The following SIMC1 variants were observed in gnomAD, a reference collection of about 807,000 sequenced individuals.
SIMC1 encodes SUMO-interacting motif-containing protein 1.
SIMC1 carries 55 observed loss-of-function variants against 82.3 expected under a neutral mutation model. That is an observed-to-expected ratio of 0.67 (90% CI 0.54 to 0.84). SIMC1 has a LOEUF of 0.84. Among genes scored for constraint, SIMC1 ranks in the 40% least tolerant of loss-of-function variants. The pLI, the probability that SIMC1 is intolerant of heterozygous loss-of-function variation, is 0.00. For synonymous variants in SIMC1, 353 were observed against 426.3 expected, an observed-to-expected ratio of 0.83 and a Z score of 2.12; for missense variants, 915 against 1,107.2, an observed-to-expected ratio of 0.83 and a Z score of 2.46.
chr5:176,306,834 G>C (rs1450449910), intron 4 of SIMC1, among the ~76,000 whole-genome samples: 77 of 150,060 alleles, frequency 5.1e-4, no homozygotes, highest in African/African-American at 1.8e-3. Context: ...TTGTTTATCT[G>C]CTGACCTTCC....
At chr5:176,305,651 T>C (rs1764310589) in intron 4 of SIMC1, among the ~76,000 whole-genome samples, 1 of 115,630 alleles carries the variant, frequency 8.6e-6, no homozygotes, top group African/African-American at 3.5e-5. Context: ...CGGCTGCCCC[T>C]ACTGGGAAGT....
At chr5:176,305,700 G>A (rs1764317417) in intron 4 of SIMC1, among the ~76,000 whole-genome samples, 1 of 101,704 alleles carries the variant, frequency 9.8e-6, no homozygotes, top group African/African-American at 4.0e-5. Flanking sequence ...CCGTCCGGGA[G>A]GGAGGTGGGG....
At chr5:176,329,606 A>G (rs1432587228) in intron 7 of SIMC1, among the ~76,000 whole-genome samples, 2 of 152,130 alleles carry the variant, frequency 1.3e-5, no homozygotes, top group Non-Finnish European at 2.9e-5. Context: ...GCAAACGCTA[A>G]TCTGTTCTCT....
At chr5:176,324,596 C>A in intron 6 of SIMC1, 33 bp from the exon 7 acceptor site, 1 of 1,604,472 alleles carries the variant, frequency 6.2e-7, no homozygotes, top group African/African-American at 1.3e-5. Flanking sequence ...GCCAGACCCT[C>A]ACACTCATCT....
At chr5:176,252,211 C>T (rs1470324067) in intron 1 of SIMC1, among the ~76,000 whole-genome samples, 4 of 89,780 alleles carry the variant, frequency 4.5e-5, no homozygotes, top group African/African-American at 1.6e-4. Flanking sequence ...GGGCGGGGGG[C>T]TGACCGCCCC....
intron 3 of SIMC1, 60 bp downstream of exon 3, chr5:176,295,322 A>G (rs528242353): frequency 1.2e-4 from 189 of 1,513,618 alleles, no homozygotes; most frequent in Admixed American, 1.4e-4. Context: ...CTCAGGGCAT[A>G]GCTTTCTCTT....
intron 9 of SIMC1, among the ~76,000 whole-genome samples, chr5:176,342,192 A>G (rs1459783041): frequency 6.6e-6 from 1 of 152,228 alleles, no homozygotes; most frequent in African/African-American, 2.4e-5. Context: ...CCTTAAGAAA[A>G]TCAAAGTCTA....
At chr5:176,250,392 A>G (rs1025607981) in intron 1 of SIMC1, among the ~76,000 whole-genome samples, 6 of 152,146 alleles carry the variant, frequency 3.9e-5, no homozygotes, top group Non-Finnish European at 8.8e-5. Flanking sequence ...TATGTGGCCA[A>G]TTTTAGAATA....
intron 1 of SIMC1, among the ~76,000 whole-genome samples, chr5:176,269,962 G>T (rs1309682027): frequency 1.3e-5 from 2 of 148,648 alleles, no homozygotes; most frequent in Non-Finnish European, 3.0e-5. Flanking sequence ...TTGCTTTGTT[G>T]CCCAGGCTGG....
intron 4 of SIMC1, chr5:176,308,264 G>GTGA: frequency 6.5e-7 from 1 of 1,527,428 alleles, no homozygotes; most frequent in Non-Finnish European, 9.1e-7. Flanking sequence ...AAAGGTTGAT[G>GTGA]CCATCAGAAT....
intron 9 of SIMC1, among the ~76,000 whole-genome samples, chr5:176,343,523 GA>G (rs1287120796): frequency 6.6e-6 from 1 of 152,134 alleles, no homozygotes; most frequent in Admixed American, 6.5e-5. Flanking sequence ...TAGACCTACG[GA>G]AAAGTAGAAA....
At chr5:176,257,411 C>T (rs920862723) in intron 1 of SIMC1, among the ~76,000 whole-genome samples, 4 of 152,160 alleles carry the variant, frequency 2.6e-5, no homozygotes, top group Admixed American at 2.6e-4. Context: ...ATGGTGCCAG[C>T]ATCTGTTCAC....
At chr5:176,296,158 T>C in intron 3 of SIMC1, 93 bp from the exon 4 acceptor site, 2 of 1,594,544 alleles carry the variant, frequency 1.3e-6, no homozygotes, top group Non-Finnish European at 1.7e-6. Context: ...TAATGGAGGA[T>C]AGGAAGAGGC....
chr5:176,345,450 C>CT lies in SIMC1; in HGVS notation c.*6dup. ...AAGGGCTGGAGCGGCTCCTGAGGGCCTGCCAAGCACTGAATGCCAAGAATA... is the reference window on the plus strand; with the variant it reads ...AAGGGCTGGAGCGGCTCCTGAGGGCCTTGCCAAGCACTGAATGCCAAGAATA... On this transcript the variant is annotated 3_prime_UTR_variant, in exon 10 of 10. Coordinates refer to ENST00000429602, the MANE Select transcript of SIMC1 (RefSeq NM_001308195.2). The CT allele has an allele frequency of 6.2e-7, 1 of 1,605,766 alleles. No homozygotes were observed. The highest frequency in any genetic ancestry group is 8.5e-7 in the Non-Finnish European group (1 of 1,175,550).
At chr5:176,258,308 G>C (rs1761912353) in intron 1 of SIMC1, among the ~76,000 whole-genome samples, 1 of 151,498 alleles carries the variant, frequency 6.6e-6, no homozygotes, top group Non-Finnish European at 1.5e-5. Flanking sequence ...GAGGTAGGTA[G>C]TATTATTATC....
chr5:176,277,275 G>A (rs1379843076), intron 1 of SIMC1, among the ~76,000 whole-genome samples: 3 of 151,664 alleles, frequency 2.0e-5, no homozygotes, highest in Admixed American at 6.6e-5. Flanking sequence ...CATGTCCTTC[G>A]CCCACTTTTT....
At chr5:176,333,068 C>A (rs1765733487) in intron 7 of SIMC1, among the ~76,000 whole-genome samples, 1 of 152,182 alleles carries the variant, frequency 6.6e-6, no homozygotes, top group Admixed American at 6.5e-5. Flanking sequence ...CTTTGGGAGG[C>A]CAAGGTGGGC....
At position 176,285,958 on chromosome 5, in the gene SIMC1, A is replaced by G. The variant is rs1198162034; in HGVS notation, c.130-3696A>G. On this transcript the variant is annotated intron_variant, in intron 1 of 9. Transcript: ENST00000429602. ...GTGAAGGACCTCTTCAAGGAGAACT[A>G]CAAACCACTGCTCAACGAAATAAAA... Among the ~76,000 whole-genome samples, 4 of 152,256 alleles carry G rather than the reference A, an allele frequency of 2.6e-5. No homozygotes were observed. The East Asian group carries it at 7.7e-4, about 29-fold the overall frequency.
chr5:176,335,517 G>A (rs1417144038), intron 7 of SIMC1, among the ~76,000 whole-genome samples: 3 of 151,356 alleles, frequency 2.0e-5, no homozygotes, highest in Non-Finnish European at 2.9e-5. Flanking sequence ...AGCTCAGGCA[G>A]TCCACCCGCC....
Sources: gnomAD v4.1 joint callset for allele counts (sites outside exome capture counted in the v4.1 genomes callset) on GRCh38, gnomAD v4.1.1 for gene constraint, MANE v1.5 for transcripts, NCBI Gene and HGNC (gene_info 2026-07-23, HGNC 2026-07-21) for gene names.